ZNF385D: variants seen among roughly 807,000 people sequenced by gnomAD.
ZNF385D encodes the protein zinc finger protein 385D, also known as zinc finger protein 659.
Under a neutral mutation model 35.8 loss-of-function variants are expected in ZNF385D, and 15 were observed. The observed-to-expected ratio is 0.42, with a 90% CI of 0.28 to 0.64. ZNF385D has a LOEUF of 0.64. Among genes scored for constraint, ZNF385D ranks in the 30% least tolerant of loss-of-function variants. The pLI is 0.23. For missense variants in ZNF385D, 474 were observed against 494.6 expected, an observed-to-expected ratio of 0.96 and a Z score of 0.39; for synonymous variants, 212 against 186.8, an observed-to-expected ratio of 1.13 and a Z score of -1.10.
intron 1 of ZNF385D, among the ~76,000 whole-genome samples, chr3:21,721,595 T>C (rs537329339): frequency 6.6e-6 from 1 of 152,324 alleles, no homozygotes; most frequent in South Asian, 2.1e-4. Context: ...CCTAATTTAC[T>C]TTAAAATATT....
At chr3:21,515,520 C>G (rs1196831790) in intron 3 of ZNF385D, among the ~76,000 whole-genome samples, 1 of 152,146 alleles carries the variant, frequency 6.6e-6, no homozygotes, top group Non-Finnish European at 1.5e-5. Context: ...CTTTATCACA[C>G]TGATGGAATT....
chr3:22,063,751 C>T (rs1299953651), intron 3 of ZNF385D, among the ~76,000 whole-genome samples: 2 of 152,058 alleles, frequency 1.3e-5, no homozygotes, highest in Non-Finnish European at 2.9e-5. Context: ...AAAGTCACAC[C>T]CTCTTCCCCT....
chr3:21,499,262 A>C (rs540566870), intron 4 of ZNF385D, among the ~76,000 whole-genome samples: 1 of 152,310 alleles, frequency 6.6e-6, no homozygotes, highest in South Asian at 2.1e-4. Context: ...GATAAGGAAA[A>C]TTTGGTACAT....
At chr3:22,111,588 G>A (rs1702539887) in intron 3 of ZNF385D, among the ~76,000 whole-genome samples, 1 of 152,106 alleles carries the variant, frequency 6.6e-6, no homozygotes, top group Admixed American at 6.6e-5. Context: ...TTGGCATTTT[G>A]TTCAACCATT....
intron 2 of ZNF385D, among the ~76,000 whole-genome samples, chr3:22,300,624 T>C (rs1464122777): frequency 6.6e-6 from 1 of 151,544 alleles, no homozygotes; most frequent in Non-Finnish European, 1.5e-5. Context: ...TATAAATGGG[T>C]AAAGGATAGA....
chr3:21,980,858 C>T (rs555981170), intron 3 of ZNF385D, among the ~76,000 whole-genome samples: 57 of 152,098 alleles, frequency 3.7e-4, no homozygotes, highest in Non-Finnish European at 8.8e-5. Flanking sequence ...AGGATAATAG[C>T]CTCCAGTTCC....
intron 2 of ZNF385D, among the ~76,000 whole-genome samples, chr3:21,615,516 CAA>C (rs202018395): frequency 0.011 from 1,653 of 152,216 alleles, 35 homozygotes; most frequent in African/African-American, 0.038. Context: ...CAAAATGTAA[CAA>C]AGAGTCTCAT....
chr3:22,188,841 T>A (rs1277208626), intron 2 of ZNF385D, among the ~76,000 whole-genome samples: 1 of 152,176 alleles, frequency 6.6e-6, no homozygotes, highest in African/African-American at 2.4e-5. Flanking sequence ...TTCTATTTCA[T>A]TTCTTTTTTT....
chr3:22,011,535 T>C (rs1031945975), intron 3 of ZNF385D, among the ~76,000 whole-genome samples: 1 of 152,062 alleles, frequency 6.6e-6, no homozygotes, highest in Non-Finnish European at 1.5e-5. Flanking sequence ...AGTAATACAG[T>C]TTGATATTCC....
chr3:22,000,060 C>T (rs1695738781), intron 3 of ZNF385D, among the ~76,000 whole-genome samples: 1 of 152,146 alleles, frequency 6.6e-6, no homozygotes, highest in Non-Finnish European at 1.5e-5. Context: ...AATTCCAGCA[C>T]TTTGGGAGGC....
chr3:22,010,173 A>G (rs1048961177), intron 3 of ZNF385D, among the ~76,000 whole-genome samples: 1 of 152,190 alleles, frequency 6.6e-6, no homozygotes, highest in Non-Finnish European at 1.5e-5. Context: ...AAAAAAGTAT[A>G]TGTTTTAAAA....
At chr3:21,727,392 C>T (rs1029689455) in intron 1 of ZNF385D, among the ~76,000 whole-genome samples, 4 of 152,128 alleles carry the variant, frequency 2.6e-5, no homozygotes, top group African/African-American at 9.7e-5. Flanking sequence ...AGGCAACCTA[C>T]AGAATGGGAG....
chr3:22,313,959 T>TGA (rs1703738597), intron 2 of ZNF385D, among the ~76,000 whole-genome samples: 1 of 152,170 alleles, frequency 6.6e-6, no homozygotes, highest in Non-Finnish European at 1.5e-5. Flanking sequence ...GCTTTGGGTA[T>TGA]GAAGCTCTGC....
At chr3:21,980,275 G>A (rs938653331) in intron 3 of ZNF385D, among the ~76,000 whole-genome samples, 10 of 152,040 alleles carry the variant, frequency 6.6e-5, no homozygotes, top group South Asian at 2.1e-4. Context: ...ATAACTTAAC[G>A]GTAACTTCAC....
intron 3 of ZNF385D, among the ~76,000 whole-genome samples, chr3:21,842,793 G>C (rs557636970): frequency 2.1e-4 from 32 of 152,194 alleles, no homozygotes; most frequent in African/African-American, 7.2e-4. Context: ...CTATCAAACA[G>C]CAGTTAAGCT....
chr3:22,284,176 T>G (rs894431305), intron 2 of ZNF385D, among the ~76,000 whole-genome samples: 4 of 129,228 alleles, frequency 3.1e-5, no homozygotes, highest in African/African-American at 1.1e-4. Context: ...AAACACAGGA[T>G]TTTTGTTTGT....
intron 2 of ZNF385D, among the ~76,000 whole-genome samples, chr3:21,634,071 C>T (rs1254319914): frequency 1.3e-5 from 2 of 151,988 alleles, no homozygotes; most frequent in Non-Finnish European, 2.9e-5. Context: ...ATGGCACACA[C>T]CTCTAGTCCC....
intron 2 of ZNF385D, among the ~76,000 whole-genome samples, chr3:22,317,280 C>CAAAAAAAAA (rs59675675): frequency 1.9e-4 from 5 of 26,106 alleles, no homozygotes; most frequent in Non-Finnish European, 2.6e-4. Flanking sequence ...ACTCCATCTC[C>CAAAAAAAAA]AAAAAAAAAA....
intron 2 of ZNF385D, among the ~76,000 whole-genome samples, chr3:22,293,271 T>G (rs1056510317): frequency 2.0e-5 from 3 of 152,140 alleles, no homozygotes; most frequent in Admixed American, 2.0e-4. Flanking sequence ...AGAAATATAT[T>G]GGAAACCTTT....
Sources: allele counts gnomAD v4.1 joint callset (sites outside exome capture counted in the v4.1 genomes callset), GRCh38; gene constraint gnomAD v4.1.1; transcripts MANE v1.5; gene names NCBI Gene and HGNC (gene_info 2026-07-23, HGNC 2026-07-21).